NCKAP5L: variants seen among roughly 807,000 people sequenced by gnomAD.
The protein encoded by NCKAP5L is NCK associated protein 5 like.
A neutral mutation model predicts 103.2 loss-of-function variants in NCKAP5L; 54 were observed. The ratio of observed to expected loss-of-function variants is 0.52; its 90% CI spans 0.42 to 0.66. NCKAP5L has a LOEUF of 0.66. NCKAP5L is among the 30% of genes least tolerant of loss of function. The probability of loss-of-function intolerance (pLI) is 0.00; values close to 1 mark genes in which losing one functional copy is unlikely to be tolerated. For synonymous variants in NCKAP5L, 762 were observed against 748.6 expected, an observed-to-expected ratio of 1.02 and a Z score of -0.29; for missense variants, 1,733 against 1,750.6, an observed-to-expected ratio of 0.99 and a Z score of 0.18.
In NCKAP5L at chr12:49,807,326, C is replaced by T. The variant is rs567457714; in HGVS notation, c.-98-1285G>A. Among the ~76,000 whole-genome samples the T allele has an allele frequency of 2.6e-5, 4 of 151,964 alleles. No homozygotes were observed. The South Asian group carries it at 8.3e-4, about 32-fold the overall frequency. ...AAAACACTTGGAGGAAAAGGAAGAC[C>T]TGTTTAATACTGATTTTTTTATTTT... On this transcript the variant is annotated intron_variant, in intron 1 of 12. Coordinates refer to ENST00000335999, the MANE Select transcript of NCKAP5L (RefSeq NM_001037806.4).
chr12:49,798,582 G>T, intron 6 of NCKAP5L, 119 bp from the exon 7 acceptor site: 1 of 823,468 alleles, frequency 1.2e-6, no homozygotes, highest in Non-Finnish European at 2.0e-6. Flanking sequence ...CAGACTCCCA[G>T]CCCCAAATGC....
In NCKAP5L at chr12:49,796,409, G is replaced by A. The variant is rs373453924; in HGVS notation, c.1451C>T (p.Ser484Leu). The A allele has an allele frequency of 9.5e-5, 150 of 1,572,878 alleles. No individual in the cohort carries two copies. The highest frequency in any genetic ancestry group is 7.7e-4 in the East Asian group (34 of 44,352). ...PQLSPQLPRN[S>L]RIPCRNSGSD... The stretch of plus-strand genomic sequence containing the variant: ...GCCACTGTTCCGACAGGGGATTCGC[G>A]AGTTCCGGGGGAGCTGGGGACTGAG... The change falls in exon 8 of 13, where the codon TCG becomes TTG. Residue 484 changes from serine to leucine, a missense_variant. Transcript: ENST00000335999.
At position 49,796,993 on chromosome 12, in the gene NCKAP5L, G is replaced by A. The variant is rs371056574; in HGVS notation, c.867C>T (p.Gly289=). The part of the protein sequence containing the change: ...GPPQAQGTSS[G]PNCAPGSSSS... ...AGCTGCTGCCTGGGGCACAGTTTGGGCCAGAGCTGGTGCCCTGGGCCTGAG... is the reference window on the plus strand; with the variant it reads ...AGCTGCTGCCTGGGGCACAGTTTGGACCAGAGCTGGTGCCCTGGGCCTGAG... Residue 289 remains glycine (G), a synonymous_variant, in exon 8 of 13, where the codon GGC becomes GGT. Coordinates refer to ENST00000335999, the MANE Select transcript of NCKAP5L (RefSeq NM_001037806.4). 1.5e-4 allele frequency: 238 copies of A among 1,592,448 alleles called. No individual in the cohort carries two copies. The highest frequency in any genetic ancestry group is 1.2e-3 in the Middle Eastern group (7 of 5,932).
Position 49,796,016 on chromosome 12 carries a change from TA to T in NCKAP5L, c.1843del (p.Tyr615MetfsTer57). 6.5e-7 allele frequency: 1 copy of T among 1,548,698 alleles called. No homozygotes were observed. The highest frequency in any genetic ancestry group is 8.7e-7 in the Non-Finnish European group (1 of 1,153,196). ...CAAACTCTTCTCTTGGGGGCTCCCA[TA>T]GGGGTACGATTCTGGGAGGCAAGGA... is the stretch of plus-strand genomic sequence containing the variant. ...PSPCLPESYPYGSPQEKSLDK... is the reference protein window; with the variant it reads ...PSPCLPESYPXGSPQEKSLDK... On this transcript the variant is annotated frameshift_variant, in exon 8 of 13. Transcript: ENST00000335999. LOFTEE classifies it high-confidence loss of function.
Position 49,797,025 on chromosome 12 carries a change from C to T in NCKAP5L, c.835G>A (p.Gly279Arg). Residue 279 changes from glycine (G) to arginine (R), a missense_variant, in exon 8 of 13, where the codon GGA (glycine) becomes AGA (arginine). Physicochemically the swap from Gly to Arg is moderately radical, Grantham distance 125 (BLOSUM62 -2). Coordinates refer to ENST00000335999, the MANE Select transcript of NCKAP5L (RefSeq NM_001037806.4). This position sits in a 1 kb window ranked among gnomAD's most constrained non-coding sequence, Gnocchi z 4.5. ...DTGRPWGPSR[G>R]PPQAQGTSSG... ...CTGGTGCCCTGGGCCTGAGGAGGTC[C>T]CCTGCTAGGACCCCAGGGCCGCCCA... 2 of 1,577,522 alleles carry T rather than the reference C, an allele frequency of 1.3e-6. No homozygotes were observed. The highest frequency in any genetic ancestry group is 1.7e-6 in the Non-Finnish European group (2 of 1,162,354).
At chr12:49,810,175 G>C (rs1946223715) in intron 1 of NCKAP5L, among the ~76,000 whole-genome samples, 1 of 148,538 alleles carries the variant, frequency 6.7e-6, no homozygotes, top group Non-Finnish European at 1.5e-5. Context: ...GCAGCTGCCG[G>C]GGGTGGGGGG....
At chr12:49,802,325 T>C in intron 5 of NCKAP5L, 1 of 189,976 alleles carries the variant, frequency 5.3e-6, no homozygotes, top group Non-Finnish European at 1.1e-5. Context: ...CTCGGCTCAC[T>C]ACAACCTCCA....
rs1002308030 is a variant in NCKAP5L, at chr12:49,797,764, A to G, written c.466-370T>C. On this transcript the variant is annotated intron_variant, in intron 7 of 12. Transcript: ENST00000335999. This position sits in a 1 kb window ranked among gnomAD's most constrained non-coding sequence, Gnocchi z 4.5. ...GCCTGTCCATTTCTCGGGCCCAGAA[A>G]GAACACACAGACTCCAGAAGGGAGT... Among the ~76,000 whole-genome samples the G allele has an allele frequency of 1.3e-5, 2 of 152,158 alleles. No homozygotes were observed. The highest frequency in any genetic ancestry group is 4.8e-5 in the African/African-American group (2 of 41,420).
intron 1 of NCKAP5L, among the ~76,000 whole-genome samples, chr12:49,808,648 T>C (rs2603113): frequency 0.041 from 6,239 of 152,162 alleles, 327 homozygotes; most frequent in East Asian, 0.14. Context: ...CTGCCTCTCA[T>C]GGGGGATGCC....
chr12:49,803,180 G>A lies in NCKAP5L; in HGVS notation c.124-15C>T. 3.1e-6 allele frequency: 5 copies of A among 1,613,936 alleles called. No individual in the cohort carries two copies. Among genetic ancestry groups the A allele is most frequent in the Non-Finnish European group, 4.2e-6 (5 of 1,179,814 alleles). On this transcript the variant is annotated splice_polypyrimidine_tract_variant and intron_variant, in intron 3 of 12. Coordinates refer to ENST00000335999, the MANE Select transcript of NCKAP5L (RefSeq NM_001037806.4). ...GAGTTCTCTGCCTGCAGGAGTGAGG[G>A]AGGAAGAGGGCAAAAAGGTGGCTTT...
chr12:49,806,985 G>A (rs1946187368), intron 1 of NCKAP5L, among the ~76,000 whole-genome samples: 1 of 152,214 alleles, frequency 6.6e-6, no homozygotes, highest in African/African-American at 2.4e-5. Flanking sequence ...TGTGGAGCCT[G>A]CTGCTACCTT....
intron 1 of NCKAP5L, among the ~76,000 whole-genome samples, chr12:49,818,297 A>C (rs534923894): frequency 1.6e-4 from 25 of 152,356 alleles, no homozygotes; most frequent in African/African-American, 5.8e-4. Context: ...CAAACTAAAA[A>C]GCTTCTGCAG....
intron 1 of NCKAP5L, among the ~76,000 whole-genome samples, chr12:49,812,603 C>T (rs1347168432): frequency 3.3e-5 from 5 of 152,064 alleles, no homozygotes; most frequent in South Asian, 2.1e-4. Context: ...AGGCTGATCT[C>T]GAACTCCTGA....
chr12:49,793,297 A>C, intron 10 of NCKAP5L, 55 bp downstream of exon 10: 2 of 1,524,748 alleles, frequency 1.3e-6, no homozygotes, highest in South Asian at 2.3e-5. Context: ...TAAAGTGGGA[A>C]GAAGTGGGTA....
rs143019525 is a variant in NCKAP5L at position 49,823,667 on chromosome 12, G to A, written c.-99+4655C>T. On this transcript the variant is annotated intron_variant, in intron 1 of 12. Coordinates refer to ENST00000335999, the MANE Select transcript of NCKAP5L (RefSeq NM_001037806.4). ...TACATTAAAAAAAAAAAGCATAGTG[G>A]ATATTGGAGAATTCCCAGAGTTCAA... Among the ~76,000 whole-genome samples the A allele has an allele frequency of 3.8e-4, 58 of 152,214 alleles. No homozygotes were observed. The East Asian group carries it at 0.01, about 27-fold the overall frequency.
intron 1 of NCKAP5L, among the ~76,000 whole-genome samples, chr12:49,821,196 A>G (rs1946357525): frequency 6.6e-6 from 1 of 152,186 alleles, no homozygotes; most frequent in Non-Finnish European, 1.5e-5. Context: ...GCCTTCTTCT[A>G]GCCTGGGGGA....
Position 49,795,954 on chromosome 12 carries a change from T to C in NCKAP5L, c.1906A>G (p.Arg636Gly). Reference protein sequence around the residue: ...AGSESPHPGRRTPGNSSKKPS... With the variant: ...AGSESPHPGRGTPGNSSKKPS... ...TTCTTGGATGAGTTGCCTGGGGTCC[T>C]GCGGCCGGGATGGGGAGACTCCGAG... The change falls in exon 8 of 13, where the codon AGG becomes GGG. Residue 636 changes from arginine (R) to glycine (G), a missense_variant. By Grantham distance (125) the Arg-to-Gly change is moderately radical. Transcript: ENST00000335999. 2.0e-6 allele frequency: 3 copies of C among 1,530,386 alleles called. No homozygotes were observed. The highest frequency in any genetic ancestry group is 1.4e-5 in the African/African-American group (1 of 71,920). The allele number at this position is 1,530,386 out of a possible 1,614,324, so 94.8% of individuals were successfully genotyped here.
At position 49,793,759 on chromosome 12, in the gene NCKAP5L, T is replaced by G. The variant is rs1260517181; in HGVS notation, c.3233A>C (p.Gln1078Pro). The change falls in exon 9 of 13, where the codon CAG becomes CCG. Residue 1078 changes from glutamine (Q) to proline (P), a missense_variant. Physicochemically the swap from Gln to Pro is moderately conservative, Grantham distance 76. Transcript: ENST00000335999. ...CTTTCCAGGAGGTTTTCCGCAGCCC[T>G]GAAGAGGGCCCACCAGGCCATTCCG... is the stretch of plus-strand genomic sequence containing the variant. ...GPRNGLVGPLQGCGKPPGKPS... is the reference protein window; with the variant it reads ...GPRNGLVGPLPGCGKPPGKPS... 2.6e-5 allele frequency: 41 copies of G among 1,589,926 alleles called. No homozygotes were observed. Among genetic ancestry groups the G allele is most frequent in the Non-Finnish European group, 3.5e-5 (41 of 1,168,744 alleles).
intron 1 of NCKAP5L, among the ~76,000 whole-genome samples, chr12:49,818,164 T>C (rs72644871): frequency 0.021 from 3,166 of 150,426 alleles, 88 homozygotes; most frequent in East Asian, 0.14. Flanking sequence ...ACCTTAAACC[T>C]GACCAGAAAC....
Sources: allele counts gnomAD v4.1 joint callset (sites outside exome capture counted in the v4.1 genomes callset), GRCh38; gene constraint gnomAD v4.1.1; non-coding constraint Gnocchi (gnomAD v3.1); transcripts MANE v1.5; gene names NCBI Gene and HGNC (gene_info 2026-07-23, HGNC 2026-07-21).